FHIP1A: variants seen among roughly 807,000 people sequenced by gnomAD.
FHIP1A encodes the protein FHF complex subunit HOOK interacting protein 1A, also known as FHF complex subunit HOOK-interacting protein 1A.
Under a neutral mutation model 88.6 loss-of-function variants are expected in FHIP1A, and 61 were observed. That is an observed-to-expected ratio of 0.69 (90% CI 0.56 to 0.85). The LOEUF (loss-of-function observed/expected upper bound fraction) is 0.85, where lower values mean the gene tolerates loss of function less well. Ranked by LOEUF, FHIP1A falls within the 40% of genes least tolerant of loss-of-function variation. The pLI is 0.00. For synonymous variants in FHIP1A, 478 were observed against 496.0 expected, an observed-to-expected ratio of 0.96 and a Z score of 0.48; for missense variants, 1,154 against 1,273.5, an observed-to-expected ratio of 0.91 and a Z score of 1.43.
chr4:151,486,964 A>AT (rs202128907), intron 3 of FHIP1A, among the ~76,000 whole-genome samples: 2 of 107,332 alleles, frequency 1.9e-5, no homozygotes, highest in Admixed American at 1.7e-4. Context: ...GCAAAACTCC[A>AT]TTTAAAAAAA....
At chr4:151,516,678 G>A (rs1401486822) in intron 3 of FHIP1A, among the ~76,000 whole-genome samples, 6 of 152,238 alleles carry the variant, frequency 3.9e-5, no homozygotes, top group Non-Finnish European at 5.9e-5. Flanking sequence ...AGACATTTAT[G>A]CAGCCAAAAG....
intron 3 of FHIP1A, among the ~76,000 whole-genome samples, chr4:151,529,148 A>G (rs1443089): frequency 0.52 from 78,895 of 151,890 alleles, 20,793 homozygotes; most frequent in African/African-American, 0.55. Context: ...CTCCCCACCT[A>G]CTTTATCTCT....
At chr4:151,422,776 G>C (rs1733222288) in intron 1 of FHIP1A, among the ~76,000 whole-genome samples, 1 of 152,104 alleles carries the variant, frequency 6.6e-6, no homozygotes, top group Non-Finnish European at 1.5e-5. Flanking sequence ...GCTCCATGTA[G>C]ACCTGCCCAG....
intron 7 of FHIP1A, among the ~76,000 whole-genome samples, chr4:151,601,229 G>A (rs1734854626): frequency 6.6e-6 from 1 of 152,040 alleles, no homozygotes; most frequent in Admixed American, 6.6e-5. Flanking sequence ...ACCCCATTGG[G>A]TGAACCCAAG....
At chr4:151,642,635 G>C (rs1381012997) in intron 9 of FHIP1A, among the ~76,000 whole-genome samples, 1 of 152,146 alleles carries the variant, frequency 6.6e-6, no homozygotes, top group Non-Finnish European at 1.5e-5. Flanking sequence ...CATCCCAGAA[G>C]AAGCACTTCA....
rs538853057 is a variant in FHIP1A at position 151,650,536 on chromosome 4, A to G, written c.2495A>G (p.Asp832Gly). The G allele has an allele frequency of 1.7e-5, 26 of 1,551,446 alleles. No homozygotes were observed. In the African/African-American group the frequency reaches 3.0e-4, roughly 18 times the overall value. ...ETVPSPFVGRDEAAFASRHPV... is the reference protein window; with the variant it reads ...ETVPSPFVGRGEAAFASRHPV... ...GTGCCTTCCCCATTTGTGGGGAGAGATGAGGCTGCCTTTGCCAGTCGCCAT... is the reference window on the plus strand; with the variant it reads ...GTGCCTTCCCCATTTGTGGGGAGAGGTGAGGCTGCCTTTGCCAGTCGCCAT... The change falls in exon 11 of 14, where the codon GAT becomes GGT. Residue 832 changes from aspartate (D) to glycine (G), a missense_variant. Transcript: ENST00000435205.
chr4:151,476,161 A>AT (rs564671344), intron 2 of FHIP1A, among the ~76,000 whole-genome samples: 18,531 of 111,470 alleles, frequency 0.17, 2,616 homozygotes, highest in African/African-American at 0.32. Context: ...TGCTCGGCCG[A>AT]TTTTTTTTTT....
intron 7 of FHIP1A, among the ~76,000 whole-genome samples, chr4:151,601,011 G>A (rs1330537590): frequency 1.3e-5 from 2 of 152,130 alleles, no homozygotes; most frequent in African/African-American, 4.8e-5. Context: ...AGAATTTGTG[G>A]CCATATTCTG....
chr4:151,669,680 C>G lies in FHIP1A; in HGVS notation c.*6926C>G, dbSNP rs1284674524. On this transcript the variant is annotated 3_prime_UTR_variant, in exon 14 of 14. Coordinates refer to ENST00000435205, the MANE Select transcript of FHIP1A (RefSeq NM_001109977.3). The stretch of plus-strand genomic sequence containing the variant: ...TGGTGAAAATCATGTTACTTTAGAC[C>G]CAGTAGTTTTCAGGACCGCAACAGG... The G allele has an allele frequency of 6.6e-6, 1 of 152,058 alleles. No individual in the cohort carries two copies. The highest frequency in any genetic ancestry group is 1.5e-5 in the Non-Finnish European group (1 of 68,006). The allele number at this position is 152,058 out of a possible 1,614,324, so 9.4% of individuals were successfully genotyped here.
intron 9 of FHIP1A, among the ~76,000 whole-genome samples, chr4:151,639,139 TA>T (rs1399649577): frequency 6.6e-6 from 1 of 152,236 alleles, no homozygotes; most frequent in Non-Finnish European, 1.5e-5. Context: ...GTTCCAAATA[TA>T]AAGTGCTTTT....
At chr4:151,610,012 T>C (rs1255607582) in intron 7 of FHIP1A, among the ~76,000 whole-genome samples, 1 of 152,230 alleles carries the variant, frequency 6.6e-6, no homozygotes, top group Non-Finnish European at 1.5e-5. Flanking sequence ...TAGTGGTATC[T>C]AGTGAGTAAG....
chr4:151,630,004 T>C (rs1736096951), intron 8 of FHIP1A, 135 bp downstream of exon 8: 1 of 729,158 alleles, frequency 1.4e-6, no homozygotes, highest in African/African-American at 1.8e-5. Context: ...TGTTGTTGTT[T>C]TGTGGCCATT....
intron 2 of FHIP1A, among the ~76,000 whole-genome samples, chr4:151,479,498 T>C (rs1729822406): frequency 6.6e-6 from 1 of 152,138 alleles, no homozygotes; most frequent in Admixed American, 6.6e-5. Context: ...TTTTTGAGAA[T>C]GAAATTATTC....
intron 3 of FHIP1A, among the ~76,000 whole-genome samples, chr4:151,557,158 A>T (rs1436610448): frequency 6.6e-6 from 1 of 152,232 alleles, no homozygotes; most frequent in Non-Finnish European, 1.5e-5. Context: ...TGTTAATAAC[A>T]TATAAAATAA....
At chr4:151,570,495 G>A (rs1008297041) in intron 4 of FHIP1A, among the ~76,000 whole-genome samples, 6 of 152,046 alleles carry the variant, frequency 3.9e-5, no homozygotes, top group South Asian at 4.2e-4. Flanking sequence ...GCACTGGAGC[G>A]CAGTGGCTAT....
At chr4:151,577,409 A>G in intron 4 of FHIP1A, 41 bp from the exon 5 acceptor site, 1 of 1,474,796 alleles carries the variant, frequency 6.8e-7, no homozygotes, top group Non-Finnish European at 9.0e-7. Context: ...TGTAATTATG[A>G]TAAACATCAG....
At chr4:151,516,255 A>C (rs997954940) in intron 3 of FHIP1A, among the ~76,000 whole-genome samples, 11 of 152,112 alleles carry the variant, frequency 7.2e-5, no homozygotes, top group Non-Finnish European at 1.3e-4. Flanking sequence ...CATATGTAGA[A>C]AGCTGAAACT....
rs185007339 is a variant in FHIP1A, at chr4:151,514,681, T to C, written c.-123+32033T>C. Among the ~76,000 whole-genome samples, 78 of 152,130 alleles carry C rather than the reference T, an allele frequency of 5.1e-4. 1 individual carries two copies. The highest frequency in any genetic ancestry group is 1.5e-3 in the Admixed American group (23 of 15,282). On this transcript the variant is annotated intron_variant, in intron 3 of 13. Coordinates refer to ENST00000435205, the MANE Select transcript of FHIP1A (RefSeq NM_001109977.3). Reference sequence around the variant, plus strand: ...TCAGAGAATACTACAAACACCTCTATGCAAATAAACTAGAAAATCTAGAAG... The same window carrying C: ...TCAGAGAATACTACAAACACCTCTACGCAAATAAACTAGAAAATCTAGAAG...
chr4:151,505,004 C>T (rs75638762), intron 3 of FHIP1A, among the ~76,000 whole-genome samples: 1,625 of 152,254 alleles, frequency 0.011, 31 homozygotes, highest in African/African-American at 0.036. Flanking sequence ...CCATTACCCC[C>T]CGACCCAGTC....
Sources: allele counts gnomAD v4.1 joint callset (sites outside exome capture counted in the v4.1 genomes callset), GRCh38; gene constraint gnomAD v4.1.1; transcripts MANE v1.5; gene names NCBI Gene and HGNC (gene_info 2026-07-23, HGNC 2026-07-21).